The following SPAG16 variants were observed in gnomAD, a reference collection of about 807,000 sequenced individuals.
SPAG16 encodes sperm-associated antigen 16 protein.
SPAG16 carries 86 observed loss-of-function variants against 80.4 expected under a neutral mutation model. That is an observed-to-expected ratio of 1.07 (90% CI 0.90 to 1.28). The LOEUF (loss-of-function observed/expected upper bound fraction) is 1.28. Among genes scored for constraint, SPAG16 ranks in the 50% most tolerant of loss-of-function variants. SPAG16 has a pLI of 0.00. For missense variants in SPAG16, 870 were observed against 765.3 expected, an observed-to-expected ratio of 1.14 and a Z score of -1.61; for synonymous variants, 294 against 265.9, an observed-to-expected ratio of 1.11 and a Z score of -1.03.
chr2:213,917,713 T>C (rs1297544695), intron 11 of SPAG16, among the ~76,000 whole-genome samples: 1 of 152,220 alleles, frequency 6.6e-6, no homozygotes, highest in African/African-American at 2.4e-5. Flanking sequence ...AAATACATCA[T>C]CTGGAAACAG....
chr2:213,984,245 T>A (rs890539742), intron 12 of SPAG16, among the ~76,000 whole-genome samples: 1 of 152,144 alleles, frequency 6.6e-6, no homozygotes, highest in Non-Finnish European at 1.5e-5. Context: ...ATGCTTCAAA[T>A]TGACATTGCA....
intron 10 of SPAG16, among the ~76,000 whole-genome samples, chr2:213,760,356 T>G (rs2068588434): frequency 6.6e-6 from 1 of 152,086 alleles, no homozygotes; most frequent in East Asian, 1.9e-4. Context: ...ATAAAAGGTT[T>G]AATACAGTAA....
intron 10 of SPAG16, among the ~76,000 whole-genome samples, chr2:213,848,423 T>C (rs2074734882): frequency 6.6e-6 from 1 of 152,232 alleles, no homozygotes; most frequent in African/African-American, 2.4e-5. Flanking sequence ...TGCTTGGTTT[T>C]CTTAATTTGT....
At chr2:213,733,304 C>G (rs1007307973) in intron 10 of SPAG16, among the ~76,000 whole-genome samples, 23 of 151,148 alleles carry the variant, frequency 1.5e-4, no homozygotes, top group African/African-American at 5.3e-4. Context: ...GAAATTTTCT[C>G]TCATTCTGTA....
chr2:214,128,197 C>T (rs1440865552), intron 14 of SPAG16, among the ~76,000 whole-genome samples: 1 of 151,786 alleles, frequency 6.6e-6, no homozygotes, highest in Non-Finnish European at 1.5e-5. Context: ...GAAAACCTCT[C>T]AAGTTATAAT....
intron 13 of SPAG16, among the ~76,000 whole-genome samples, chr2:214,063,081 T>G (rs1336862946): frequency 2.0e-5 from 3 of 152,086 alleles, no homozygotes; most frequent in Non-Finnish European, 2.9e-5. Context: ...ATAAAAATGA[T>G]TTTTGGTATT....
chr2:213,643,042 T>C (rs1197948732), intron 10 of SPAG16, among the ~76,000 whole-genome samples: 1 of 110,570 alleles, frequency 9.0e-6, no homozygotes, highest in African/African-American at 4.6e-5. Context: ...TTTATATGTA[T>C]GTGTGTGTGT....
intron 9 of SPAG16, among the ~76,000 whole-genome samples, chr2:213,405,547 A>T (rs371774164): frequency 6.6e-6 from 1 of 152,184 alleles, no homozygotes; most frequent in African/African-American, 2.4e-5. Flanking sequence ...TAGTTGCCCT[A>T]TGGTGCTCTC....
At chr2:213,333,171 C>A (rs1360874480) in intron 5 of SPAG16, among the ~76,000 whole-genome samples, 2 of 151,970 alleles carry the variant, frequency 1.3e-5, no homozygotes, top group African/African-American at 4.8e-5. Flanking sequence ...TTTCAAGGTA[C>A]AACATCAACA....
At chr2:214,096,809 GCAAT>G (rs1160188767) in intron 13 of SPAG16, among the ~76,000 whole-genome samples, 4 of 151,946 alleles carry the variant, frequency 2.6e-5, no homozygotes, top group African/African-American at 9.7e-5. Context: ...TTTAAAAGCT[GCAAT>G]CAATCTTTCA....
At chr2:214,317,763 G>T (rs1384382397) in intron 15 of SPAG16, among the ~76,000 whole-genome samples, 1 of 152,124 alleles carries the variant, frequency 6.6e-6, no homozygotes, top group African/African-American at 2.4e-5. Flanking sequence ...AGTGGCTAAT[G>T]CCTGCCTGTG....
intron 14 of SPAG16, among the ~76,000 whole-genome samples, chr2:214,148,600 T>C (rs1277611066): frequency 6.6e-6 from 1 of 152,170 alleles, no homozygotes; most frequent in Non-Finnish European, 1.5e-5. Context: ...TGCGATATTC[T>C]TCTCTCACTG....
intron 13 of SPAG16, among the ~76,000 whole-genome samples, chr2:214,060,440 G>C (rs1317016735): frequency 6.8e-6 from 1 of 147,528 alleles, no homozygotes; most frequent in African/African-American, 2.7e-5. Flanking sequence ...TAAGATTATG[G>C]GTTACTATAA....
At chr2:213,384,165 C>T (rs905584155) in intron 9 of SPAG16, among the ~76,000 whole-genome samples, 3 of 152,108 alleles carry the variant, frequency 2.0e-5, no homozygotes, top group African/African-American at 7.2e-5. Context: ...ACATCTACAT[C>T]CTTTGTTTAA....
intron 13 of SPAG16, among the ~76,000 whole-genome samples, chr2:214,105,707 C>T (rs951685175): frequency 6.6e-6 from 1 of 152,018 alleles, no homozygotes; most frequent in African/African-American, 2.4e-5. Context: ...ACTATTCTGA[C>T]AAGAATTCAT....
chr2:213,371,421 AAAG>A (rs1478234901), intron 8 of SPAG16, among the ~76,000 whole-genome samples: 28 of 135,186 alleles, frequency 2.1e-4, no homozygotes, highest in African/African-American at 6.7e-4. Context: ...AAAAAAAAGA[AAAG>A]AAAAGACGAT....
intron 15 of SPAG16, among the ~76,000 whole-genome samples, chr2:214,295,366 C>T (rs976933748): frequency 6.6e-6 from 1 of 152,182 alleles, no homozygotes; most frequent in Non-Finnish European, 1.5e-5. Flanking sequence ...TCTAATGAAA[C>T]AGTTTTTGCT....
chr2:213,573,857 T>C (rs935243014), intron 10 of SPAG16, among the ~76,000 whole-genome samples: 1 of 152,194 alleles, frequency 6.6e-6, no homozygotes, highest in Non-Finnish European at 1.5e-5. Context: ...ATGAAATACA[T>C]AAAGCTCTTA....
At chr2:214,004,951 G>A (rs1206886243) in intron 12 of SPAG16, among the ~76,000 whole-genome samples, 2 of 152,234 alleles carry the variant, frequency 1.3e-5, no homozygotes, top group African/African-American at 4.8e-5. Flanking sequence ...AGGGTCGACC[G>A]TATTTTCACA....
Sources: gnomAD v4.1 joint callset for allele counts (sites outside exome capture counted in the v4.1 genomes callset) on GRCh38, gnomAD v4.1.1 for gene constraint, MANE v1.5 for transcripts, NCBI Gene and HGNC (gene_info 2026-07-23, HGNC 2026-07-21) for gene names.